The following SPAG17 variants were observed in gnomAD, a reference collection of about 807,000 sequenced individuals.
The protein encoded by SPAG17 is sperm-associated antigen 17.
In SPAG17, 169 loss-of-function variants were observed where a neutral mutation model predicts 273.6. The observed-to-expected ratio is 0.62, with a 90% confidence interval of 0.55 to 0.70. The LOEUF (loss-of-function observed/expected upper bound fraction) is 0.70. SPAG17 is among the 30% of genes least tolerant of loss of function. The pLI, the probability that SPAG17 is intolerant of heterozygous loss-of-function variation, is 0.00. For missense variants in SPAG17, 2,557 were observed against 2,627.8 expected (o/e 0.97, Z 0.59); for synonymous variants, 825 against 873.2 (o/e 0.94, Z 0.97).
Position 118,016,194 on chromosome 1 carries a change from A to C in SPAG17, c.4070-12T>G, listed in dbSNP as rs1289970345. ...TTTGTGACTTTTTCCTGTGAAGTTC[A>C]AGTAAAATCAAACAACAACAATATA... On this transcript the variant is annotated splice_polypyrimidine_tract_variant and intron_variant, in intron 28 of 48. Coordinates refer to ENST00000336338, the MANE Select transcript of SPAG17 (RefSeq NM_206996.4). The C allele has an allele frequency of 6.9e-6, 11 of 1,598,700 alleles. No homozygotes were observed. The highest frequency in any genetic ancestry group is 8.6e-6 in the Non-Finnish European group (10 of 1,166,832).
At chr1:118,168,418 A>G (rs1210184555) in intron 1 of SPAG17, among the ~76,000 whole-genome samples, 2 of 152,176 alleles carry the variant, frequency 1.3e-5, no homozygotes, top group African/African-American at 4.8e-5. Flanking sequence ...AGTAACTAAG[A>G]TTTGGAGATA....
At chr1:118,161,587 G>A (rs1445281486) in intron 1 of SPAG17, among the ~76,000 whole-genome samples, 2 of 152,064 alleles carry the variant, frequency 1.3e-5, no homozygotes. Flanking sequence ...GCCCAGGCTG[G>A]AGTGCTGTGG....
At chr1:118,095,686 A>G (rs909065457) in intron 7 of SPAG17, among the ~76,000 whole-genome samples, 1 of 152,208 alleles carries the variant, frequency 6.6e-6, no homozygotes, top group African/African-American at 2.4e-5. Context: ...CAGGATCCCA[A>G]GGAAATAGCC....
At chr1:118,055,226 C>T (rs1651529331) in intron 19 of SPAG17, among the ~76,000 whole-genome samples, 1 of 151,978 alleles carries the variant, frequency 6.6e-6, no homozygotes, top group Non-Finnish European at 1.5e-5. Flanking sequence ...CTGTCAAGTC[C>T]CTGCCAGAGG....
intron 10 of SPAG17, 54 bp from the exon 11 acceptor site, chr1:118,087,062 A>G (rs1405808424): frequency 6.6e-7 from 1 of 1,509,182 alleles, no homozygotes; most frequent in East Asian, 2.3e-5. Flanking sequence ...CTTTAGTGAT[A>G]CTCACTGCTC....
intron 40 of SPAG17, among the ~76,000 whole-genome samples, chr1:117,987,213 A>G (rs1419483752): frequency 6.6e-6 from 1 of 152,136 alleles, no homozygotes; most frequent in East Asian, 1.9e-4. Flanking sequence ...TATCCCTTCT[A>G]GTTTGACCTT....
intron 6 of SPAG17, 71 bp downstream of exon 6, chr1:118,099,535 A>C: frequency 7.3e-7 from 1 of 1,366,762 alleles, no homozygotes. Context: ...TTGGACAGAA[A>C]ATTATATTTG....
chr1:118,116,157 C>G (rs1012957146), intron 3 of SPAG17, among the ~76,000 whole-genome samples: 2 of 152,148 alleles, frequency 1.3e-5, no homozygotes, highest in African/African-American at 4.8e-5. Flanking sequence ...TTTCACACAA[C>G]GCTCTAACAT....
intron 19 of SPAG17, among the ~76,000 whole-genome samples, chr1:118,055,106 T>C (rs1315926420): frequency 6.6e-6 from 1 of 152,100 alleles, no homozygotes; most frequent in Non-Finnish European, 1.5e-5. Flanking sequence ...TATTTTACTC[T>C]CTTTGTCACC....
chr1:118,008,285 T>C lies in SPAG17; in HGVS notation c.4433-87A>G, dbSNP rs562258272. The C allele has an allele frequency of 5.6e-4, 826 of 1,464,514 alleles. 1 individual carries two copies. Among genetic ancestry groups the C allele is most frequent in the Middle Eastern group, 7.1e-4 (3 of 4,218 alleles). 90.7% of individuals were successfully genotyped at this position (1,464,514 alleles called of 1,614,324 possible). On this transcript the variant is annotated intron_variant, in intron 30 of 48. Transcript: ENST00000336338. Reference sequence around the variant, plus strand: ...GCCTATTGATTTTGCTGCTGTTTCCTGGCTGTCTGGATTCCCCATGGAAAA... The same window carrying C: ...GCCTATTGATTTTGCTGCTGTTTCCCGGCTGTCTGGATTCCCCATGGAAAA...
intron 21 of SPAG17, 147 bp from the exon 22 acceptor site, chr1:118,040,988 T>C: frequency 3.1e-6 from 2 of 650,252 alleles, no homozygotes; most frequent in South Asian, 3.5e-5. Context: ...CCAGTGTTCA[T>C]ATTATTTTTA....
chr1:118,162,040 C>T (rs1240113582), intron 1 of SPAG17, among the ~76,000 whole-genome samples: 1 of 152,096 alleles, frequency 6.6e-6, no homozygotes, highest in Admixed American at 6.5e-5. Context: ...CCTCATAATT[C>T]ACATATCTCC....
chr1:118,157,024 C>T (rs957522818), intron 1 of SPAG17, among the ~76,000 whole-genome samples: 3 of 152,022 alleles, frequency 2.0e-5, no homozygotes, highest in Non-Finnish European at 4.4e-5. Context: ...GTGTTGAAGC[C>T]GATTGCTCAT....
intron 7 of SPAG17, among the ~76,000 whole-genome samples, chr1:118,095,165 C>T (rs1655627299): frequency 6.6e-6 from 1 of 152,158 alleles, no homozygotes; most frequent in South Asian, 2.1e-4. Flanking sequence ...TAGCCACTAC[C>T]ACTTTCTTTA....
At chr1:118,103,039 G>T (rs1488747680) in intron 4 of SPAG17, among the ~76,000 whole-genome samples, 1 of 152,142 alleles carries the variant, frequency 6.6e-6, no homozygotes, top group Non-Finnish European at 1.5e-5. Flanking sequence ...TCACAGCCTG[G>T]GGTGGAGGCA....
At chr1:118,058,011 G>C (rs1651884474) in intron 18 of SPAG17, among the ~76,000 whole-genome samples, 1 of 151,782 alleles carries the variant, frequency 6.6e-6, no homozygotes, top group African/African-American at 2.4e-5. Context: ...TCAGTCTAAT[G>C]AAAGAAAATA....
chr1:118,001,253 T>C (rs1460724925), intron 32 of SPAG17, among the ~76,000 whole-genome samples: 1 of 152,192 alleles, frequency 6.6e-6, no homozygotes, highest in Non-Finnish European at 1.5e-5. Context: ...CACATCGATG[T>C]TCATCAGGGA....
chr1:118,062,127 G>T (rs982492061), intron 18 of SPAG17, among the ~76,000 whole-genome samples: 2 of 152,046 alleles, frequency 1.3e-5, no homozygotes, highest in Non-Finnish European at 2.9e-5. Context: ...CAGCACTTTG[G>T]GAGGCCGAGG....
At chr1:118,104,806 G>A (rs1656285844) in intron 4 of SPAG17, among the ~76,000 whole-genome samples, 1 of 152,328 alleles carries the variant, frequency 6.6e-6, no homozygotes, top group East Asian at 1.9e-4. Flanking sequence ...AGTATCAATA[G>A]AGAAACCACT....
Sources: gnomAD v4.1 joint callset for allele counts (sites outside exome capture counted in the v4.1 genomes callset) on GRCh38, gnomAD v4.1.1 for gene constraint, MANE v1.5 for transcripts, NCBI Gene and HGNC (gene_info 2026-07-23, HGNC 2026-07-21) for gene names.